ALCAM: variants seen among roughly 807,000 people sequenced by gnomAD.
ALCAM encodes the protein activated leukocyte cell adhesion molecule.
ALCAM carries 30 observed loss-of-function variants against 70.9 expected under a neutral mutation model. The ratio of observed to expected loss-of-function variants is 0.42; its 90% CI spans 0.32 to 0.57. ALCAM has a LOEUF of 0.57. Ranked by LOEUF, ALCAM falls within the 20% of genes least tolerant of loss-of-function variation. ALCAM has a pLI of 0.11. For synonymous variants in ALCAM, 249 were observed against 242.5 expected (o/e 1.03, Z -0.25); for missense variants, 591 against 695.1 (o/e 0.85, Z 1.68).
At chr3:105,430,489 T>C (rs902972841) in intron 1 of ALCAM, among the ~76,000 whole-genome samples, 2 of 152,082 alleles carry the variant, frequency 1.3e-5, no homozygotes, top group South Asian at 2.1e-4. Flanking sequence ...CTTATGATAA[T>C]ATTGGGATAA....
chr3:105,517,044 T>C (rs1434526383), intron 1 of ALCAM, among the ~76,000 whole-genome samples: 1 of 152,104 alleles, frequency 6.6e-6, no homozygotes, highest in Non-Finnish European at 1.5e-5. Flanking sequence ...AGTTGACAGG[T>C]ACTTTGGGTC....
intron 1 of ALCAM, among the ~76,000 whole-genome samples, chr3:105,507,468 C>T (rs1281177761): frequency 6.6e-6 from 1 of 152,172 alleles, no homozygotes; most frequent in Non-Finnish European, 1.5e-5. Flanking sequence ...GGTCTCTTTA[C>T]TATCTCCATA....
intron 1 of ALCAM, among the ~76,000 whole-genome samples, chr3:105,448,065 G>A (rs990831682): frequency 1.3e-5 from 2 of 152,022 alleles, no homozygotes; most frequent in Non-Finnish European, 1.5e-5. Flanking sequence ...AAATCAGTTG[G>A]GATTATGATT....
At chr3:105,428,797 G>A (rs1936858282) in intron 1 of ALCAM, among the ~76,000 whole-genome samples, 1 of 151,966 alleles carries the variant, frequency 6.6e-6, no homozygotes, top group South Asian at 2.1e-4. Flanking sequence ...AAATGTGGTT[G>A]TGAGGACATG....
intron 1 of ALCAM, among the ~76,000 whole-genome samples, chr3:105,416,315 CTT>C (rs1936506797): frequency 6.6e-6 from 1 of 151,996 alleles, no homozygotes; most frequent in African/African-American, 2.4e-5. Flanking sequence ...CCTTAACACT[CTT>C]TTAATACACC....
intron 1 of ALCAM, among the ~76,000 whole-genome samples, chr3:105,471,109 A>C (rs1383679633): frequency 6.6e-6 from 1 of 151,422 alleles, no homozygotes; most frequent in African/African-American, 2.4e-5. Flanking sequence ...AAAGCCATTT[A>C]TTCTTATACA....
intron 1 of ALCAM, among the ~76,000 whole-genome samples, chr3:105,422,235 C>T (rs1358714347): frequency 1.3e-5 from 2 of 151,366 alleles, no homozygotes; most frequent in Admixed American, 6.6e-5. Context: ...TTTATCCATT[C>T]ATGGGTCGAT....
chr3:105,431,501 T>A (rs998719963), intron 1 of ALCAM, among the ~76,000 whole-genome samples: 74 of 152,098 alleles, frequency 4.9e-4, no homozygotes, highest in African/African-American at 1.7e-3. Context: ...GTGTAAGTGC[T>A]TTCTGCTTGT....
At chr3:105,521,927 C>T (rs1939555554) in intron 2 of ALCAM, among the ~76,000 whole-genome samples, 1 of 152,164 alleles carries the variant, frequency 6.6e-6, no homozygotes, top group Non-Finnish European at 1.5e-5. Flanking sequence ...AAGTTAAGGC[C>T]TCTGAGGACA....
rs144540253 is a variant in ALCAM at position 105,371,420 on chromosome 3, T to C, written c.73+3939T>C. Among the ~76,000 whole-genome samples the C allele has an allele frequency of 3.9e-5, 6 of 152,256 alleles. No homozygotes were observed. The East Asian group carries it at 1.2e-3, about 29-fold the overall frequency. On this transcript the variant is annotated intron_variant, in intron 1 of 15. Coordinates refer to ENST00000306107, the MANE Select transcript of ALCAM (RefSeq NM_001627.4). ...TTTAAGTAAAACGTGCTATATTAAT[T>C]AAGGCTTTTATTATATTGTTAATAG...
intron 1 of ALCAM, among the ~76,000 whole-genome samples, chr3:105,382,857 T>C (rs1424890108): frequency 2.0e-5 from 3 of 152,020 alleles, no homozygotes; most frequent in Non-Finnish European, 4.4e-5. Flanking sequence ...GTCAGATGAA[T>C]CAACTCTTAT....
chr3:105,374,751 C>G (rs1339537152), intron 1 of ALCAM, among the ~76,000 whole-genome samples: 1 of 152,122 alleles, frequency 6.6e-6, no homozygotes, highest in Non-Finnish European at 1.5e-5. Flanking sequence ...CTCCTGGCCT[C>G]AGGTGATCTA....
intron 8 of ALCAM, 126 bp from the exon 9 acceptor site, chr3:105,545,096 TA>T (rs562170474): frequency 1.7e-5 from 12 of 691,772 alleles, no homozygotes; most frequent in Non-Finnish European, 3.2e-5. Context: ...TTTAGTCATA[TA>T]AATCAGTTCT....
intron 1 of ALCAM, among the ~76,000 whole-genome samples, chr3:105,498,987 GAT>G (rs940178161): frequency 6.6e-6 from 1 of 151,958 alleles, no homozygotes; most frequent in Non-Finnish European, 1.5e-5. Context: ...TTATTGTATT[GAT>G]ATATGTTCAA....
intron 1 of ALCAM, among the ~76,000 whole-genome samples, chr3:105,503,004 C>A (rs1938965987): frequency 6.6e-6 from 1 of 152,172 alleles, no homozygotes; most frequent in Admixed American, 6.5e-5. Flanking sequence ...TTACTTTTTC[C>A]AATCTCAAAT....
At position 105,372,766 on chromosome 3, in the gene ALCAM, T is replaced by G. The variant is rs564846733; in HGVS notation, c.73+5285T>G. On this transcript the variant is annotated intron_variant, in intron 1 of 15. Transcript: ENST00000306107. ...TCTCTGATTTGCTTCTCTATTACTG[T>G]TATTATTGTTTTAGCTCTTTTCTGT... is the stretch of plus-strand genomic sequence containing the variant. 2.0e-5 allele frequency among the ~76,000 whole-genome samples: 3 copies of G among 152,280 alleles called. No homozygotes were observed. In the South Asian group the frequency reaches 6.2e-4, roughly 32 times the overall value.
chr3:105,449,306 G>T (rs753416069), intron 1 of ALCAM, among the ~76,000 whole-genome samples: 16 of 152,092 alleles, frequency 1.1e-4, no homozygotes, highest in Non-Finnish European at 2.2e-4. Flanking sequence ...TCACAGTTTT[G>T]TGAACAAAAA....
At chr3:105,556,159 T>C (rs1454115779) in intron 14 of ALCAM, among the ~76,000 whole-genome samples, 3 of 152,022 alleles carry the variant, frequency 2.0e-5, no homozygotes, top group Admixed American at 1.3e-4. Flanking sequence ...TTCATTCCTA[T>C]CTTGCATATC....
chr3:105,392,959 C>A (rs1935861007), intron 1 of ALCAM, among the ~76,000 whole-genome samples: 1 of 151,644 alleles, frequency 6.6e-6, no homozygotes, highest in Non-Finnish European at 1.5e-5. Flanking sequence ...AGTATTACTA[C>A]CAAAATTGTA....
Sources: gnomAD v4.1 joint callset for allele counts (sites outside exome capture counted in the v4.1 genomes callset) on GRCh38, gnomAD v4.1.1 for gene constraint, MANE v1.5 for transcripts, NCBI Gene and HGNC (gene_info 2026-07-23, HGNC 2026-07-21) for gene names.